ADAMTS9: variants seen among roughly 807,000 people sequenced by gnomAD.
ADAMTS9 encodes A disintegrin and metalloproteinase with thrombospondin motifs 9.
Under a neutral mutation model 257.1 loss-of-function variants are expected in ADAMTS9, and 107 were observed. The ratio of observed to expected loss-of-function variants is 0.42; its 90% CI spans 0.36 to 0.49. ADAMTS9 has a LOEUF of 0.49. Ranked by LOEUF, ADAMTS9 falls within the 20% of genes least tolerant of loss-of-function variation. The pLI, the probability that ADAMTS9 is intolerant of heterozygous loss-of-function variation, is 0.03. For synonymous variants in ADAMTS9, 982 were observed against 880.9 expected, an observed-to-expected ratio of 1.11 and a Z score of -2.03; for missense variants, 2,353 against 2,469.1, an observed-to-expected ratio of 0.95 and a Z score of 1.00.
At chr3:64,545,400 C>A (rs898846906) in intron 32 of ADAMTS9, among the ~76,000 whole-genome samples, 2 of 152,172 alleles carry the variant, frequency 1.3e-5, no homozygotes, top group Non-Finnish European at 2.9e-5. Context: ...AAATGTGGCA[C>A]ATATACACCA....
intron 38 of ADAMTS9, 45 bp downstream of exon 38, chr3:64,533,121 G>T: frequency 6.5e-7 from 1 of 1,533,148 alleles, no homozygotes; most frequent in Non-Finnish European, 9.0e-7. Context: ...AAGAACGAAA[G>T]AAAGAAATAA....
intron 19 of ADAMTS9, among the ~76,000 whole-genome samples, chr3:64,619,075 A>C (rs1468334864): frequency 6.6e-6 from 1 of 152,178 alleles, no homozygotes; most frequent in African/African-American, 2.4e-5. Flanking sequence ...GTAAACTTAA[A>C]AAGAGGGTTC....
chr3:64,656,473 G>A (rs991901734), intron 4 of ADAMTS9, among the ~76,000 whole-genome samples: 10 of 151,994 alleles, frequency 6.6e-5, no homozygotes, highest in African/African-American at 2.2e-4. Context: ...CAAAACTCTG[G>A]GCTGGGTACT....
intron 3 of ADAMTS9, among the ~76,000 whole-genome samples, chr3:64,662,641 C>G (rs1701252641): frequency 6.6e-6 from 1 of 151,952 alleles, no homozygotes; most frequent in African/African-American, 2.4e-5. Flanking sequence ...ACTTTTTTAT[C>G]ATTATAAAAC....
chr3:64,559,379 G>T (rs1181084479), intron 30 of ADAMTS9, among the ~76,000 whole-genome samples: 1 of 152,080 alleles, frequency 6.6e-6, no homozygotes, highest in Non-Finnish European at 1.5e-5. Context: ...AATATCATAG[G>T]AGATACTCCT....
At position 64,550,948 on chromosome 3, in the gene ADAMTS9, C is replaced by T; in HGVS notation, c.4813G>A (p.Glu1605Lys). 6.2e-7 allele frequency: 1 copy of T among 1,614,214 alleles called. No individual in the cohort carries two copies. The highest frequency in any genetic ancestry group is 8.5e-7 in the Non-Finnish European group (1 of 1,180,040). Reference sequence around the variant, plus strand: ...TCGCAGGGTTGCAAACTACAGCTTTCACGGTCCACCGGCCGCTTGCTCACG... The same window carrying T: ...TCGCAGGGTTGCAAACTACAGCTTTTACGGTCCACCGGCCGCTTGCTCACG... Reference protein sequence around the residue: ...CDVSKRPVDRESCSLQPCEYV... With the variant: ...CDVSKRPVDRKSCSLQPCEYV... Residue 1605 changes from glutamate to lysine, a missense_variant, in exon 31 of 40, where the codon GAA (glutamate) becomes AAA (lysine). Coordinates refer to ENST00000498707, the MANE Select transcript of ADAMTS9 (RefSeq NM_182920.2).
At chr3:64,625,687 T>C (rs1459354545) in intron 16 of ADAMTS9, among the ~76,000 whole-genome samples, 4 of 152,190 alleles carry the variant, frequency 2.6e-5, no homozygotes, top group Non-Finnish European at 5.9e-5. Context: ...GGTGCCTTCA[T>C]CTGAAATGAC....
chr3:64,569,798 T>C (rs1366603351), intron 28 of ADAMTS9, among the ~76,000 whole-genome samples: 3 of 152,188 alleles, frequency 2.0e-5, no homozygotes, highest in East Asian at 1.9e-4. Flanking sequence ...CTGTTTTCAT[T>C]TGAGCTCTAA....
intron 22 of ADAMTS9, among the ~76,000 whole-genome samples, chr3:64,607,514 C>T (rs1237786960): frequency 1.3e-5 from 2 of 152,264 alleles, no homozygotes; most frequent in East Asian, 3.9e-4. Flanking sequence ...AAAAACTGGA[C>T]ACCACCAAAG....
At chr3:64,681,136 TC>T in intron 3 of ADAMTS9, 64 bp downstream of exon 3, 1 of 1,528,330 alleles carries the variant, frequency 6.5e-7, no homozygotes, top group South Asian at 1.3e-5. Flanking sequence ...GAGCTACATC[TC>T]TGTAGTATAG....
intron 3 of ADAMTS9, among the ~76,000 whole-genome samples, chr3:64,662,132 C>A (rs1393508025): frequency 6.6e-6 from 1 of 151,962 alleles, no homozygotes; most frequent in Non-Finnish European, 1.5e-5. Flanking sequence ...CATTTTCATT[C>A]ATCTCAAAAT....
chr3:64,580,027 T>C (rs1576066640), intron 28 of ADAMTS9, among the ~76,000 whole-genome samples: 1 of 152,282 alleles, frequency 6.6e-6, no homozygotes, highest in African/African-American at 2.4e-5. Context: ...TCCCACCACA[T>C]ACCCTGCGTG....
intron 28 of ADAMTS9, chr3:64,569,116 T>C (rs981601749): frequency 2.0e-5 from 3 of 152,904 alleles, no homozygotes; most frequent in African/African-American, 7.2e-5. Context: ...CCTTTCAACT[T>C]TGATCTGCAG....
At chr3:64,524,531 A>C (rs1017526473) in intron 38 of ADAMTS9, among the ~76,000 whole-genome samples, 1 of 152,226 alleles carries the variant, frequency 6.6e-6, no homozygotes, top group Non-Finnish European at 1.5e-5. Context: ...AACACTAATT[A>C]AGCGAAATAT....
At chr3:64,669,238 T>C (rs1701424513) in intron 3 of ADAMTS9, among the ~76,000 whole-genome samples, 1 of 152,226 alleles carries the variant, frequency 6.6e-6, no homozygotes, top group Non-Finnish European at 1.5e-5. Flanking sequence ...TCTATCTTTC[T>C]CTATAAGCTT....
At chr3:64,625,148 C>T (rs73122262) in intron 16 of ADAMTS9, among the ~76,000 whole-genome samples, 4,158 of 152,252 alleles carry the variant, frequency 0.027, 108 homozygotes, top group Non-Finnish European at 0.036. Context: ...TAATTTTCAT[C>T]CCCGGTGCCA....
At chr3:64,640,368 G>A (rs1000028209) in intron 12 of ADAMTS9, among the ~76,000 whole-genome samples, 1 of 152,166 alleles carries the variant, frequency 6.6e-6, no homozygotes, top group Non-Finnish European at 1.5e-5. Flanking sequence ...CGGAAGCTTT[G>A]CCAATATTAG....
At position 64,648,048 on chromosome 3, in the gene ADAMTS9, C is replaced by G. The variant is rs566184294; in HGVS notation, c.1606-4G>C. ...ACCAGAGCCGTCTGCACTGCATCTG[C>G]TCAATTCAATGAAATGGCAATTGAG... is the stretch of plus-strand genomic sequence containing the variant. On this transcript the variant is annotated splice_region_variant and splice_polypyrimidine_tract_variant and intron_variant, in intron 10 of 39. Transcript: ENST00000498707. 1 of 1,605,698 alleles carries G rather than the reference C, an allele frequency of 6.2e-7. No individual in the cohort carries two copies. Among genetic ancestry groups the G allele is most frequent in the South Asian group, 1.1e-5 (1 of 89,798 alleles).
intron 4 of ADAMTS9, among the ~76,000 whole-genome samples, chr3:64,656,294 C>A (rs557689463): frequency 2.0e-5 from 3 of 152,204 alleles, no homozygotes; most frequent in Non-Finnish European, 4.4e-5. Context: ...CCTCGTTAAC[C>A]TGGTGGGGTT....
Sources: gnomAD v4.1 joint callset for allele counts (sites outside exome capture counted in the v4.1 genomes callset) on GRCh38, gnomAD v4.1.1 for gene constraint, MANE v1.5 for transcripts, NCBI Gene and HGNC (gene_info 2026-07-23, HGNC 2026-07-21) for gene names.